Variants in VDAC1 observed in about 807,000 individuals in gnomAD.
VDAC1 encodes non-selective voltage-gated ion channel VDAC1.
In VDAC1, 10 loss-of-function variants were observed where a neutral mutation model predicts 34.7. The observed-to-expected ratio is 0.29, with a 90% CI of 0.18 to 0.49. The LOEUF is 0.49. Ranked by LOEUF, VDAC1 falls within the 20% of genes least tolerant of loss-of-function variation. The pLI is 0.99. For synonymous variants in VDAC1, 130 were observed against 136.0 expected, an observed-to-expected ratio of 0.96 and a Z score of 0.30; for missense variants, 230 against 347.9, an observed-to-expected ratio of 0.66 and a Z score of 2.69.
the VDAC1 span, among the ~76,000 whole-genome samples, chr5:134,066,655 G>C: frequency 2.0e-5 from 3 of 152,192 alleles, no homozygotes; most frequent in African/African-American, 7.2e-5. Flanking sequence ...CGGGGGCCCA[G>C]TCTCTTCCTT....
intron 1 of VDAC1, among the ~76,000 whole-genome samples, chr5:133,995,006 C>G (rs1200813310): frequency 6.6e-6 from 1 of 152,158 alleles, no homozygotes; most frequent in Non-Finnish European, 1.5e-5. Context: ...GGTCCCCGCT[C>G]AGGATAAAGG....
At chr5:134,088,234 T>C in the VDAC1 span, among the ~76,000 whole-genome samples, 2 of 151,592 alleles carry the variant, frequency 1.3e-5, no homozygotes, top group Non-Finnish European at 2.9e-5. Context: ...AAGCAGAAAA[T>C]CTCTGAGCAA....
At chr5:134,006,970 G>A (rs777641760), upstream of VDAC1, among the ~76,000 whole-genome samples, 1 of 151,890 alleles carries the variant, frequency 6.6e-6, no homozygotes, top group Admixed American at 6.6e-5. Flanking sequence ...TCGGCCCCGT[G>A]CAGTGGCTCA....
chr5:133,981,016 CTT>C (rs76032174), intron 5 of VDAC1, 60 bp from the exon 6 acceptor site: 22,472 of 1,122,436 alleles, frequency 0.02, no homozygotes, highest in Non-Finnish European at 0.021. Context: ...TGCAAGTTGT[CTT>C]TTTTTTTTTT....
chr5:134,039,574 C>T, the VDAC1 span, among the ~76,000 whole-genome samples: 3 of 152,300 alleles, frequency 2.0e-5, no homozygotes, highest in South Asian at 6.2e-4. Flanking sequence ...CGTGATCCGC[C>T]CGCCTTGGCC....
At chr5:133,998,604 G>A (rs76118987) in intron 1 of VDAC1, among the ~76,000 whole-genome samples, 94 of 152,318 alleles carry the variant, frequency 6.2e-4, no homozygotes, top group Admixed American at 2.4e-3. Context: ...CCCAAATCAC[G>A]TTCCAAGGCT....
intron 7 of VDAC1, 76 bp from the exon 8 acceptor site, chr5:133,973,924 T>TCTCCAAAA: frequency 2.1e-6 from 3 of 1,427,466 alleles, no homozygotes; most frequent in Non-Finnish European, 2.9e-6. Context: ...ATTAGAGCTT[T>TCTCCAAAA]TTAGTCAACC....
At chr5:134,111,836 T>C in the VDAC1 span, among the ~76,000 whole-genome samples, 5 of 152,320 alleles carry the variant, frequency 3.3e-5, no homozygotes, top group South Asian at 8.3e-4. Context: ...CTGCCTGGGT[T>C]TCAAATTCTG....
At chr5:133,981,016 C>A (rs2126923783) in intron 5 of VDAC1, 60 bp from the exon 6 acceptor site, 8 of 1,186,052 alleles carry the variant, frequency 6.7e-6, no homozygotes, top group Non-Finnish European at 7.1e-6. Context: ...TGCAAGTTGT[C>A]TTTTTTTTTT....
At chr5:133,992,691 GC>G (rs1753150353) in intron 2 of VDAC1, among the ~76,000 whole-genome samples, 1 of 152,260 alleles carries the variant, frequency 6.6e-6, no homozygotes, top group South Asian at 2.1e-4. Context: ...CACTGCAGCA[GC>G]TTCCACAGGG....
the VDAC1 span, among the ~76,000 whole-genome samples, chr5:134,067,067 T>G: frequency 1.3e-5 from 2 of 152,204 alleles, no homozygotes; most frequent in East Asian, 3.9e-4. Flanking sequence ...TTTTGATTGT[T>G]TTGATCAAAA....
In VDAC1 at chr5:133,979,603, T is replaced by G. The variant is rs1324879648; in HGVS notation, c.551+1126A>C. Among the ~76,000 whole-genome samples the G allele has an allele frequency of 3.3e-5, 5 of 152,180 alleles. No homozygotes were observed. In the East Asian group the frequency reaches 7.7e-4, roughly 24 times the overall value. On this transcript the variant is annotated intron_variant, in intron 6 of 8. Transcript: ENST00000265333. ...CGCCACCACGCCCAGCTAATTTTTG[T>G]ATTTTTAGTAGAGATGGGGTTTCAC...
the VDAC1 span, among the ~76,000 whole-genome samples, chr5:134,050,665 A>G: frequency 6.6e-6 from 1 of 152,254 alleles, no homozygotes; most frequent in African/African-American, 2.4e-5. Context: ...AAGTTAAGGC[A>G]GAATTCTCCT....
At chr5:134,064,632 G>C in the VDAC1 span, among the ~76,000 whole-genome samples, 1 of 152,042 alleles carries the variant, frequency 6.6e-6, no homozygotes, top group South Asian at 2.1e-4. Flanking sequence ...ACTATGTTTT[G>C]GGGGTGATTT....
the VDAC1 span, among the ~76,000 whole-genome samples, chr5:134,040,086 T>A: frequency 2.0e-5 from 3 of 152,042 alleles, no homozygotes; most frequent in South Asian, 2.1e-4. Flanking sequence ...AAAAGGCATC[T>A]CCTCTTTTGG....
At chr5:134,026,219 A>G in the VDAC1 span, among the ~76,000 whole-genome samples, 1 of 152,156 alleles carries the variant, frequency 6.6e-6, no homozygotes, top group African/African-American at 2.4e-5. Flanking sequence ...TTTAAACATC[A>G]CTAAATGGCT....
chr5:134,029,503 A>G, the VDAC1 span, among the ~76,000 whole-genome samples: 2 of 152,224 alleles, frequency 1.3e-5, no homozygotes, highest in Non-Finnish European at 2.9e-5. Flanking sequence ...GCACTTTCCA[A>G]TAGAACTTTC....
At chr5:134,049,514 AT>A in the VDAC1 span, among the ~76,000 whole-genome samples, 900 of 152,374 alleles carry the variant, frequency 5.9e-3, 12 homozygotes, top group African/African-American at 0.02. Context: ...AGGGTTACTC[AT>A]TAGCAAAAAT....
the VDAC1 span, among the ~76,000 whole-genome samples, chr5:134,102,116 C>T: frequency 6.6e-6 from 1 of 151,984 alleles, no homozygotes; most frequent in Non-Finnish European, 1.5e-5. Flanking sequence ...ACCCTGGTTA[C>T]TTCCCACTCC....
Sources: allele counts gnomAD v4.1 joint callset (sites outside exome capture counted in the v4.1 genomes callset), GRCh38; gene constraint gnomAD v4.1.1; transcripts MANE v1.5; gene names NCBI Gene and HGNC (gene_info 2026-07-23, HGNC 2026-07-21).